LTN1: variants seen among roughly 807,000 people sequenced by gnomAD.
LTN1 encodes the protein E3 ubiquitin-protein ligase listerin.
LTN1 carries 88 observed loss-of-function variants against 201.2 expected under a neutral mutation model. The ratio of observed to expected loss-of-function variants is 0.44; its 90% CI spans 0.37 to 0.52. The LOEUF is 0.52. LTN1 is among the 20% of genes least tolerant of loss of function. The pLI is 0.00. For missense variants in LTN1, 1,752 were observed against 2,038.7 expected (o/e 0.86, Z 2.71); for synonymous variants, 645 against 713.5 (o/e 0.90, Z 1.53).
At chr21:28,948,274 T>C (rs1285455226) in intron 18 of LTN1, among the ~76,000 whole-genome samples, 57 of 147,892 alleles carry the variant, frequency 3.9e-4, no homozygotes, top group Middle Eastern at 3.6e-3. Flanking sequence ...TTCTTTCTTT[T>C]TTTTTTTTTT....
chr21:28,957,335 C>A lies in LTN1; in HGVS notation c.2889G>T (p.Met963Ile), dbSNP rs751867449. The change falls in exon 15 of 30, where the codon ATG becomes ATT. Residue 963 changes from methionine to isoleucine, a missense_variant. By Grantham distance (10) the Met-to-Ile change is conservative (BLOSUM62 1). Transcript: ENST00000361371. ...TACTCTTCAATTTCCAAAATACCTG[C>A]ATAGGAAGAGACTGCCTCATCTTTT... ...EWEKMRQSLPMQWLHRPLLEG... is the reference protein window; with the variant it reads ...EWEKMRQSLPIQWLHRPLLEG... 6.3e-6 allele frequency: 10 copies of A among 1,586,504 alleles called. No homozygotes were observed. Among genetic ancestry groups the A allele is most frequent in the Non-Finnish European group, 8.5e-6 (10 of 1,171,626 alleles).
In LTN1 at chr21:28,986,518, C is replaced by T. The variant is rs2084699850; in HGVS notation, c.246+213G>A. 9 of 651,190 alleles carry T rather than the reference C, an allele frequency of 1.4e-5. No individual in the cohort carries two copies. The South Asian group carries it at 1.6e-4, about 11-fold the overall frequency. 40.3% of individuals were successfully genotyped at this position (651,190 alleles called of 1,614,324 possible). ...GGGAAAAACTATACAGCCAAAATTC[C>T]AAAGCACTTTAAAAAAGTTCACTGT... On this transcript the variant is annotated intron_variant, in intron 2 of 29. Coordinates refer to ENST00000361371, the MANE Select transcript of LTN1 (RefSeq NM_015565.3). The surrounding 1 kb of genome is among the most constrained non-coding windows in gnomAD (Gnocchi z 4.1).
At chr21:28,943,590 A>T in intron 23 of LTN1, 77 bp downstream of exon 23, 1 of 1,132,200 alleles carries the variant, frequency 8.8e-7, no homozygotes, top group Non-Finnish European at 1.3e-6. Flanking sequence ...TACTTTAAAT[A>T]ATTAAAAGTA....
chr21:28,983,070 G>A (rs993116024), intron 4 of LTN1, among the ~76,000 whole-genome samples: 4 of 152,160 alleles, frequency 2.6e-5, no homozygotes, highest in Non-Finnish European at 5.9e-5. Flanking sequence ...CAGAGCCCAT[G>A]TCTTATAGAC....
chr21:28,947,380 T>C (rs2084346093), intron 19 of LTN1, 84 bp downstream of exon 19: 4 of 1,111,390 alleles, frequency 3.6e-6, no homozygotes, highest in Non-Finnish European at 5.0e-6. Context: ...TTACCTCTGC[T>C]AGATGTGGTC....
chr21:28,967,169 A>C lies in LTN1; in HGVS notation c.1322T>G (p.Phe441Cys). The C allele has an allele frequency of 6.2e-7, 1 of 1,606,156 alleles. No individual in the cohort carries two copies. The highest frequency in any genetic ancestry group is 8.5e-7 in the Non-Finnish European group (1 of 1,176,970). ...QMLVNDQLIP[F>C]IDAVLKDPGL... The stretch of plus-strand genomic sequence containing the variant: ...TGGGTCTTTGAGAACTGCATCAATA[A>C]AAGGGATCAACTGAAAGAAAAGGTA... The change falls in exon 10 of 30, where the codon TTT becomes TGT. Residue 441 changes from phenylalanine (F) to cysteine (C), a missense_variant. Physicochemically the swap from Phe to Cys is radical, Grantham distance 205. Transcript: ENST00000361371.
At position 28,960,658 on chromosome 21, in the gene LTN1, C is replaced by A; in HGVS notation, c.2212G>T (p.Gly738Cys). Residue 738 changes from glycine (G) to cysteine (C), a missense_variant, in exon 12 of 30, where the codon GGC becomes TGC. Around this residue, in one of 3 missense-constraint regions of LTN1, gnomAD observed 1,211 missense variants for 1,312.8 expected, o/e 0.92. Coordinates refer to ENST00000361371, the MANE Select transcript of LTN1 (RefSeq NM_015565.3). ...KHALVTPWLK[G>C]DILGEKLVNL... is the part of the protein sequence containing the mutation. ...ACCAATTTCTCACCAAGGATATCGC[C>A]TTTGAGCCAAGGAGTTACTAAAGCA... The A allele has an allele frequency of 6.2e-7, 1 of 1,614,066 alleles. No homozygotes were observed. The highest frequency in any genetic ancestry group is 8.5e-7 in the Non-Finnish European group (1 of 1,179,974).
intron 9 of LTN1, among the ~76,000 whole-genome samples, chr21:28,969,146 G>T (rs1466657496): frequency 6.6e-6 from 1 of 151,806 alleles, no homozygotes; most frequent in Non-Finnish European, 1.5e-5. Context: ...GCTTGAACCC[G>T]GGAGGCAGAG....
chr21:28,931,772 TG>T (rs2084212824), intron 28 of LTN1, among the ~76,000 whole-genome samples: 1 of 152,108 alleles, frequency 6.6e-6, no homozygotes, highest in African/African-American at 2.4e-5. Flanking sequence ...GAGGCTAAGG[TG>T]GGTAGATCAC....
chr21:28,969,811 T>A (rs553502792), intron 8 of LTN1, among the ~76,000 whole-genome samples: 7 of 152,122 alleles, frequency 4.6e-5, no homozygotes, highest in Admixed American at 3.9e-4. Flanking sequence ...AAAAAATGTA[T>A]CAGTAAAAAA....
At chr21:28,945,731 G>T in intron 21 of LTN1, 76 bp downstream of exon 21, 1 of 1,315,914 alleles carries the variant, frequency 7.6e-7, no homozygotes, top group Non-Finnish European at 1.0e-6. Context: ...CTTAAAGAAT[G>T]AGATTAGTAA....
rs778090956 is a variant in LTN1, at chr21:28,932,614, C to G, written c.4926G>C (p.Glu1642Asp). ...GTATTATAAGTTCAATAACTATGTC[C>G]TCAATAGTATAAGTAGCCATTACCT... is the stretch of plus-strand genomic sequence containing the variant. ...TREVMATYTI[E>D]DIVIELIIQL... is the part of the protein sequence containing the mutation. The change falls in exon 28 of 30, where the codon GAG becomes GAC. Residue 1642 changes from glutamate to aspartate, a missense_variant. Transcript: ENST00000361371. 1 of 1,613,186 alleles carries G rather than the reference C, an allele frequency of 6.2e-7. No homozygotes were observed. Among genetic ancestry groups the G allele is most frequent in the Non-Finnish European group, 8.5e-7 (1 of 1,179,254 alleles).
In LTN1 at chr21:28,984,083, A is replaced by G. The variant is rs932909185; in HGVS notation, c.576+609T>C. Among the ~76,000 whole-genome samples the G allele has an allele frequency of 3.3e-5, 5 of 152,314 alleles. No individual in the cohort carries two copies. In the East Asian group the frequency reaches 9.6e-4, roughly 29 times the overall value. Reference sequence around the variant, plus strand: ...AATTTGTTTGGCCTTTTGAAGGGCCATTTATCATTATAAAAAATTTTAATG... The same window carrying G: ...AATTTGTTTGGCCTTTTGAAGGGCCGTTTATCATTATAAAAAATTTTAATG... On this transcript the variant is annotated intron_variant, in intron 4 of 29. Transcript: ENST00000361371.
At chr21:28,979,381 A>C (rs974409583) in intron 6 of LTN1, among the ~76,000 whole-genome samples, 2 of 152,192 alleles carry the variant, frequency 1.3e-5, no homozygotes, top group African/African-American at 4.8e-5. Context: ...AAGGAGTTGG[A>C]GGCAATCAGG....
chr21:28,956,024 A>G (rs1166608883), intron 16 of LTN1, among the ~76,000 whole-genome samples: 2 of 152,146 alleles, frequency 1.3e-5, no homozygotes, highest in African/African-American at 4.8e-5. Flanking sequence ...ATGCACGGAA[A>G]GACAAACATC....
At chr21:28,957,506 G>C in intron 14 of LTN1, 30 bp from the exon 15 acceptor site, 1 of 1,497,462 alleles carries the variant, frequency 6.7e-7, no homozygotes, top group Non-Finnish European at 8.9e-7. Flanking sequence ...CTTAACTGTT[G>C]TAGTTACGCT....
chr21:28,931,423 A>C (rs986233598), intron 28 of LTN1, 101 bp from the exon 29 acceptor site: 17 of 696,498 alleles, frequency 2.4e-5, no homozygotes, highest in Non-Finnish European at 4.0e-5. Context: ...ATTCTGAAAG[A>C]AGAGAATCTG....
intron 26 of LTN1, 37 bp from the exon 27 acceptor site, chr21:28,935,366 T>C: frequency 8.1e-7 from 1 of 1,229,458 alleles, no homozygotes; most frequent in South Asian, 1.3e-5. Context: ...GTAACATATA[T>C]TTCTTATATA....
chr21:28,959,855 A>G, intron 12 of LTN1, 158 bp from the exon 13 acceptor site: 2 of 613,340 alleles, frequency 3.3e-6, no homozygotes, highest in Non-Finnish European at 5.4e-6. Context: ...TCACACATAA[A>G]GGCCCTCAAG....
Sources: allele counts gnomAD v4.1 joint callset (sites outside exome capture counted in the v4.1 genomes callset), GRCh38; gene constraint gnomAD v4.1.1; regional missense constraint gnomAD v4.1.1; non-coding constraint Gnocchi (gnomAD v3.1); transcripts MANE v1.5; gene names NCBI Gene and HGNC (gene_info 2026-07-23, HGNC 2026-07-21).